STAU1: variants seen among roughly 807,000 people sequenced by gnomAD.
STAU1 encodes the protein double-stranded RNA-binding protein Staufen homolog 1.
STAU1 carries 13 observed loss-of-function variants against 62.9 expected under a neutral mutation model. The ratio of observed to expected loss-of-function variants is 0.21; its 90% CI spans 0.13 to 0.33. The LOEUF (loss-of-function observed/expected upper bound fraction) is 0.33, where lower values mean the gene tolerates loss of function less well. Among genes scored for constraint, STAU1 ranks in the 10% least tolerant of loss-of-function variants. The pLI is 1.00. For missense variants in STAU1, 571 were observed against 712.1 expected (o/e 0.80, Z 2.25); for synonymous variants, 269 against 265.1 (o/e 1.01, Z -0.14).
chr20:49,172,427 T>C (rs539404595), intron 2 of STAU1, among the ~76,000 whole-genome samples: 11 of 152,334 alleles, frequency 7.2e-5, no homozygotes, highest in South Asian at 2.1e-4. Flanking sequence ...TATACAAACA[T>C]AGAAAACTTT....
chr20:49,199,376 ATG>A, the STAU1 span, among the ~76,000 whole-genome samples: 2 of 134,604 alleles, frequency 1.5e-5, no homozygotes, highest in African/African-American at 5.5e-5. Context: ...GACTACAGGC[ATG>A]CGCCACCACG....
intron 9 of STAU1, among the ~76,000 whole-genome samples, chr20:49,119,447 C>T (rs1340915817): frequency 2.0e-5 from 3 of 152,174 alleles, no homozygotes; most frequent in Non-Finnish European, 4.4e-5. Flanking sequence ...GTTTGAGCCA[C>T]CACACCTGGC....
the STAU1 span, among the ~76,000 whole-genome samples, chr20:49,200,442 CA>C: frequency 6.6e-6 from 1 of 151,812 alleles, no homozygotes; most frequent in Non-Finnish European, 1.5e-5. Context: ...ACTAAAAATA[CA>C]AAAAAAATTT....
chr20:49,200,108 A>G, the STAU1 span, among the ~76,000 whole-genome samples: 1 of 152,220 alleles, frequency 6.6e-6, no homozygotes, highest in Non-Finnish European at 1.5e-5. Flanking sequence ...TACTTATCAT[A>G]CAACCCAGCA....
At chr20:49,196,174 C>T in the STAU1 span, among the ~76,000 whole-genome samples, 2 of 148,576 alleles carry the variant, frequency 1.3e-5, no homozygotes, top group African/African-American at 4.9e-5. Flanking sequence ...CGGTGGCTCA[C>T]GCCTGTAATC....
chr20:49,212,668 G>A, the STAU1 span, among the ~76,000 whole-genome samples: 1 of 125,808 alleles, frequency 7.9e-6, no homozygotes, highest in African/African-American at 3.1e-5. Context: ...GGAGTGCAAT[G>A]GCGTCATCTC....
intron 6 of STAU1, among the ~76,000 whole-genome samples, chr20:49,130,991 C>T (rs1453947285): frequency 6.6e-6 from 1 of 152,036 alleles, no homozygotes; most frequent in East Asian, 1.9e-4. Context: ...AAGGCCCAGC[C>T]TTCAAACATC....
Position 49,173,920 on chromosome 20 carries a change from G to A in STAU1, c.-85+275C>T, listed in dbSNP as rs1317620951. Among the ~76,000 whole-genome samples, 4 of 152,208 alleles carry A rather than the reference G, an allele frequency of 2.6e-5. No individual in the cohort carries two copies. The East Asian group carries it at 7.7e-4, about 29-fold the overall frequency. On this transcript the variant is annotated intron_variant, in intron 2 of 13. Coordinates refer to ENST00000371856, the MANE Select transcript of STAU1 (RefSeq NM_017453.4). Reference sequence around the variant, plus strand: ...CTACAAAAGATACTATGACCAAGAAGCTTATTGAGCCAGTCATGTTTAATG... The same window carrying A: ...CTACAAAAGATACTATGACCAAGAAACTTATTGAGCCAGTCATGTTTAATG...
intron 7 of STAU1, 94 bp downstream of exon 7, chr20:49,124,281 T>C (rs2092539453): frequency 1.5e-6 from 2 of 1,338,136 alleles, no homozygotes; most frequent in African/African-American, 1.5e-5. Flanking sequence ...GTTGGTCTCA[T>C]CCCCTTTCAC....
intron 6 of STAU1, chr20:49,135,110 T>C (rs1380338566): frequency 6.8e-6 from 6 of 880,710 alleles, no homozygotes; most frequent in Admixed American, 1.9e-5. Context: ...ACGTTTTATA[T>C]AGAAGAGAGA....
rs541086636 is a variant in STAU1 at position 49,153,154 on chromosome 20, G to A, written c.344+779C>T. 4.0e-5 allele frequency among the ~76,000 whole-genome samples: 6 copies of A among 150,912 alleles called. No homozygotes were observed. In the South Asian group the frequency reaches 1.3e-3, roughly 32 times the overall value. On this transcript the variant is annotated intron_variant, in intron 4 of 13. Transcript: ENST00000371856. ...AGTCCCAGCTACTTGGGAGGCTGAGGCAGGAGAATAGCATGAACCCGGGAG... is the reference window on the plus strand; with the variant it reads ...AGTCCCAGCTACTTGGGAGGCTGAGACAGGAGAATAGCATGAACCCGGGAG...
At chr20:49,143,667 T>C (rs1275837334) in intron 5 of STAU1, among the ~76,000 whole-genome samples, 2 of 152,170 alleles carry the variant, frequency 1.3e-5, no homozygotes, top group African/African-American at 4.8e-5. Flanking sequence ...CTAGGAAAAT[T>C]AGCCATCACC....
chr20:49,180,283 G>C (rs1217275035), intron 1 of STAU1, among the ~76,000 whole-genome samples: 1 of 150,620 alleles, frequency 6.6e-6, no homozygotes, highest in Non-Finnish European at 1.5e-5. Flanking sequence ...CAGAAGAAAT[G>C]AATTTTTTTT....
In STAU1 at chr20:49,120,140, A is replaced by G. The variant is rs1302023357; in HGVS notation, c.967-12T>C. On this transcript the variant is annotated splice_polypyrimidine_tract_variant and intron_variant, in intron 8 of 13. Coordinates refer to ENST00000371856, the MANE Select transcript of STAU1 (RefSeq NM_017453.4). Reference sequence around the variant, plus strand: ...TTTCCAACCTTCACCTGCACAAAGAAGTCAAAACACAGACCAGTGCTTAAA... The same window carrying G: ...TTTCCAACCTTCACCTGCACAAAGAGGTCAAAACACAGACCAGTGCTTAAA... The G allele has an allele frequency of 1.9e-6, 3 of 1,611,072 alleles. No individual in the cohort carries two copies. Among genetic ancestry groups the G allele is most frequent in the South Asian group, 1.1e-5 (1 of 90,892 alleles).
At chr20:49,146,628 G>A (rs530825620) in intron 5 of STAU1, among the ~76,000 whole-genome samples, 1 of 151,802 alleles carries the variant, frequency 6.6e-6, no homozygotes, top group South Asian at 2.1e-4. Flanking sequence ...CCTAAGCCCA[G>A]GGAGGTCAAG....
At chr20:49,135,060 T>G in intron 6 of STAU1, 1 of 1,319,752 alleles carries the variant, frequency 7.6e-7, no homozygotes. Flanking sequence ...TGGGCAGCAT[T>G]TTCCAGCAAG....
upstream of STAU1, among the ~76,000 whole-genome samples, chr20:49,193,272 G>A (rs1375684702): frequency 1.3e-5 from 2 of 152,142 alleles, no homozygotes; most frequent in Non-Finnish European, 2.9e-5. Flanking sequence ...AGCTACTGGG[G>A]AGGCTGAGGC....
chr20:49,127,565 G>A (rs1248766336), intron 6 of STAU1, among the ~76,000 whole-genome samples: 1 of 151,780 alleles, frequency 6.6e-6, no homozygotes, highest in Non-Finnish European at 1.5e-5. Context: ...AATTAGCTGA[G>A]TGTGGTGACA....
intron 1 of STAU1, among the ~76,000 whole-genome samples, chr20:49,176,666 TC>T (rs963576258): frequency 5.3e-5 from 8 of 152,204 alleles, no homozygotes; most frequent in African/African-American, 1.9e-4. Flanking sequence ...CTAACAACTT[TC>T]CAGTCTAGAG....
Sources: allele counts gnomAD v4.1 joint callset (sites outside exome capture counted in the v4.1 genomes callset), GRCh38; gene constraint gnomAD v4.1.1; transcripts MANE v1.5; gene names NCBI Gene and HGNC (gene_info 2026-07-23, HGNC 2026-07-21).